The following RAMP1 variants were observed in gnomAD, a reference collection of about 807,000 sequenced individuals.
RAMP1 encodes receptor activity modifying protein 1, also known as receptor activity-modifying protein 1.
Under a neutral mutation model 8.2 loss-of-function variants are expected in RAMP1, and 7 were observed. That is an observed-to-expected ratio of 0.85 (90% CI 0.49 to 1.60). The LOEUF is 1.60. Among genes scored for constraint, RAMP1 ranks in the 40% most tolerant of loss-of-function variants. RAMP1 has a pLI of 0.00. For missense variants in RAMP1, 192 were observed against 202.4 expected (o/e 0.95, Z 0.31); for synonymous variants, 92 against 84.7 (o/e 1.09, Z -0.47).
intron 1 of RAMP1, 100 bp downstream of exon 1, chr2:237,859,827 TG>T: frequency 2.2e-6 from 2 of 929,180 alleles, no homozygotes; most frequent in Non-Finnish European, 2.8e-6. Flanking sequence ...TGGGAGCGGG[TG>T]GGGGCGGGCG....
intron 2 of RAMP1, among the ~76,000 whole-genome samples, chr2:237,905,952 A>C (rs1443032942): frequency 6.8e-6 from 1 of 147,700 alleles, no homozygotes; most frequent in Non-Finnish European, 1.5e-5. Flanking sequence ...CGGAGGTTGC[A>C]GTGAGCTGAG....
At chr2:237,888,582 T>G (rs1247938634) in intron 2 of RAMP1, among the ~76,000 whole-genome samples, 2 of 152,204 alleles carry the variant, frequency 1.3e-5, no homozygotes, top group African/African-American at 4.8e-5. Flanking sequence ...TTGGAATTTG[T>G]TTTTTCTCAA....
rs1223616810 is a variant in RAMP1, at chr2:237,862,902, CCA to C, written c.52+3178_52+3179del. On this transcript the variant is annotated intron_variant, in intron 1 of 2. Coordinates refer to ENST00000254661, the MANE Select transcript of RAMP1 (RefSeq NM_005855.4). This position sits in a 1 kb window ranked among gnomAD's most constrained non-coding sequence, Gnocchi z 4.0. ...TCCAGGCTGGATCTGAGTGGGGCTG[CCA>C]CAGTCTACCCTGTGAGCCATGGGGG... 6.6e-6 allele frequency among the ~76,000 whole-genome samples: 1 copy of C among 152,214 alleles called. No homozygotes were observed. Among genetic ancestry groups the C allele is most frequent in the Admixed American group, 6.5e-5 (1 of 15,290 alleles).
intron 2 of RAMP1, among the ~76,000 whole-genome samples, chr2:237,897,183 A>G (rs771796468): frequency 3.9e-5 from 6 of 152,192 alleles, no homozygotes; most frequent in Non-Finnish European, 5.9e-5. Context: ...CTCAGCCTCC[A>G]TCCCAGGAAT....
intron 2 of RAMP1, among the ~76,000 whole-genome samples, chr2:237,908,725 C>T (rs1468282439): frequency 6.6e-6 from 1 of 152,182 alleles, no homozygotes; most frequent in Non-Finnish European, 1.5e-5. Flanking sequence ...TGTTAAGCCA[C>T]CACACCCAGC....
At chr2:237,885,868 C>A (rs933119559) in intron 2 of RAMP1, among the ~76,000 whole-genome samples, 1 of 152,190 alleles carries the variant, frequency 6.6e-6, no homozygotes, top group Non-Finnish European at 1.5e-5. Flanking sequence ...CACGGAAACC[C>A]GGCTGCTGAC....
intron 1 of RAMP1, among the ~76,000 whole-genome samples, chr2:237,876,809 C>A (rs572392479): frequency 3.3e-5 from 5 of 152,268 alleles, no homozygotes; most frequent in Admixed American, 6.5e-5. Flanking sequence ...GTTCATAGCC[C>A]GCAGATAGTC....
rs1272014411 is a variant in RAMP1 at position 237,862,389 on chromosome 2, G to A, written c.52+2662G>A. On this transcript the variant is annotated intron_variant, in intron 1 of 2. Transcript: ENST00000254661. The surrounding 1 kb of genome is among the most constrained non-coding windows in gnomAD (Gnocchi z 4.0). ...GGATTTTTGTCTTCCTTCCACAGGC[G>A]CATGCCTGTCAGCGTGCTTATTACC... Among the ~76,000 whole-genome samples, 7 of 152,164 alleles carry A rather than the reference G, an allele frequency of 4.6e-5. No homozygotes were observed. Among genetic ancestry groups the A allele is most frequent in the South Asian group, 2.1e-4 (1 of 4,834 alleles).
intron 2 of RAMP1, among the ~76,000 whole-genome samples, chr2:237,897,148 A>G: frequency 6.6e-6 from 1 of 152,218 alleles, no homozygotes; most frequent in South Asian, 2.1e-4. Context: ...AGAGCCCCGC[A>G]TGCAACCACG....
chr2:237,889,712 C>T (rs1377272000), intron 2 of RAMP1, among the ~76,000 whole-genome samples: 3 of 152,290 alleles, frequency 2.0e-5, no homozygotes, highest in African/African-American at 4.8e-5. Flanking sequence ...ATTGCAGCCC[C>T]GACCTCCTGG....
At chr2:237,892,961 A>C (rs535405474) in intron 2 of RAMP1, among the ~76,000 whole-genome samples, 1 of 152,316 alleles carries the variant, frequency 6.6e-6, no homozygotes, top group South Asian at 2.1e-4. Flanking sequence ...TATCTTTGCA[A>C]ATAGGTTGTT....
At chr2:237,900,930 C>T (rs931174360) in intron 2 of RAMP1, among the ~76,000 whole-genome samples, 9 of 152,248 alleles carry the variant, frequency 5.9e-5, no homozygotes, top group Non-Finnish European at 1.0e-4. Flanking sequence ...GAACCTTTAT[C>T]AGACAGTCAC....
intron 1 of RAMP1, among the ~76,000 whole-genome samples, chr2:237,872,859 A>C (rs2062260830): frequency 6.6e-6 from 1 of 152,172 alleles, no homozygotes; most frequent in Non-Finnish European, 1.5e-5. Flanking sequence ...ATCTCTACAA[A>C]AAATAGAAAA....
chr2:237,905,380 T>G (rs1052360598), intron 2 of RAMP1, among the ~76,000 whole-genome samples: 2 of 152,208 alleles, frequency 1.3e-5, no homozygotes, highest in Non-Finnish European at 2.9e-5. Flanking sequence ...ACATTAGAGA[T>G]ATTTTTAGAC....
chr2:237,884,347 T>C (rs2062405733), intron 2 of RAMP1, among the ~76,000 whole-genome samples: 1 of 152,104 alleles, frequency 6.6e-6, no homozygotes, highest in South Asian at 2.1e-4. Flanking sequence ...TACAATCTAA[T>C]TTGAGGAGGT....
rs1376467280 is a variant in RAMP1, at chr2:237,859,741, G to A, written c.52+14G>A. On this transcript the variant is annotated intron_variant, in intron 1 of 2. Transcript: ENST00000254661. The stretch of plus-strand genomic sequence containing the variant: ...GGCTGCTCCTGGGTGAGTAGGTCCA[G>A]GGGTCCCGGCCGAGCTCCCTTCCCC... The A allele has an allele frequency of 2.7e-6, 4 of 1,507,692 alleles. No homozygotes were observed. The highest frequency in any genetic ancestry group is 1.4e-5 in the African/African-American group (1 of 69,036). The allele number at this position is 1,507,692 out of a possible 1,614,324, so 93.4% of individuals were successfully genotyped here.
intron 2 of RAMP1, among the ~76,000 whole-genome samples, chr2:237,880,752 TG>T (rs2062360692): frequency 6.6e-6 from 1 of 152,214 alleles, no homozygotes; most frequent in African/African-American, 2.4e-5. Flanking sequence ...TACCATTGGC[TG>T]GGTGAGGCCC....
chr2:237,879,428 G>A (rs1281712693), intron 2 of RAMP1, among the ~76,000 whole-genome samples: 1 of 151,814 alleles, frequency 6.6e-6, no homozygotes, highest in Non-Finnish European at 1.5e-5. Flanking sequence ...CATCCTCGGA[G>A]CCGAGTGGCC....
chr2:237,897,038 C>T (rs1204595294), intron 2 of RAMP1, among the ~76,000 whole-genome samples: 1 of 152,220 alleles, frequency 6.6e-6, no homozygotes, highest in Non-Finnish European at 1.5e-5. Flanking sequence ...GTCACCTGCC[C>T]CAGCCTCAGT....
Sources: allele counts gnomAD v4.1 joint callset (sites outside exome capture counted in the v4.1 genomes callset), GRCh38; gene constraint gnomAD v4.1.1; non-coding constraint Gnocchi (gnomAD v3.1); transcripts MANE v1.5; gene names NCBI Gene and HGNC (gene_info 2026-07-23, HGNC 2026-07-21).